The following NELL1 variants were observed in gnomAD, a reference collection of about 807,000 sequenced individuals.
The protein encoded by NELL1 is neural EGFL like 1, also known as protein kinase C-binding protein NELL1.
Under a neutral mutation model 107.4 loss-of-function variants are expected in NELL1, and 76 were observed. The ratio of observed to expected loss-of-function variants is 0.71; its 90% CI spans 0.59 to 0.86. The LOEUF is 0.86. Among genes scored for constraint, NELL1 ranks in the 40% least tolerant of loss-of-function variants. The probability of loss-of-function intolerance (pLI) is 0.00; values close to 1 mark genes in which losing one functional copy is unlikely to be tolerated. For synonymous variants in NELL1, 353 were observed against 341.2 expected, an observed-to-expected ratio of 1.03 and a Z score of -0.38; for missense variants, 1,024 against 1,005.5, an observed-to-expected ratio of 1.02 and a Z score of -0.25.
At chr11:21,099,598 GA>G (rs1407254978) in intron 12 of NELL1, among the ~76,000 whole-genome samples, 3 of 152,162 alleles carry the variant, frequency 2.0e-5, no homozygotes, top group African/African-American at 7.2e-5. Context: ...AGCAGCTTGA[GA>G]CATGTATTGA....
At chr11:21,441,862 A>C (rs970258012) in intron 15 of NELL1, among the ~76,000 whole-genome samples, 53 of 152,174 alleles carry the variant, frequency 3.5e-4, no homozygotes, top group Non-Finnish European at 1.5e-4. Flanking sequence ...ATAAGGTAAA[A>C]ATTTGATTAA....
At chr11:21,570,601 G>A in intron 17 of NELL1, among the ~76,000 whole-genome samples, 163 bp from the exon 18 acceptor site, 1 of 151,886 alleles carries the variant, frequency 6.6e-6, no homozygotes, top group South Asian at 2.1e-4. Flanking sequence ...CAAAATCAGG[G>A]AAAGAAAGGG....
At chr11:21,390,526 C>T (rs11825261) in intron 15 of NELL1, among the ~76,000 whole-genome samples, 18,251 of 151,276 alleles carry the variant, frequency 0.12, 1,280 homozygotes, top group African/African-American at 0.18. Flanking sequence ...CACACACACA[C>T]ACACACACAC....
chr11:21,450,951 G>A (rs1396416548), intron 15 of NELL1, among the ~76,000 whole-genome samples: 1 of 152,022 alleles, frequency 6.6e-6, no homozygotes, highest in Non-Finnish European at 1.5e-5. Context: ...AGCACTTTGG[G>A]AGGCCGAGGC....
chr11:21,227,317 G>A (rs1323323203), intron 13 of NELL1, among the ~76,000 whole-genome samples: 1 of 152,006 alleles, frequency 6.6e-6, no homozygotes, highest in East Asian at 1.9e-4. Flanking sequence ...GTAATTATTA[G>A]TAGAGCACCC....
chr11:21,033,063 C>G (rs1181913032), intron 12 of NELL1, among the ~76,000 whole-genome samples: 3 of 152,080 alleles, frequency 2.0e-5, no homozygotes, highest in African/African-American at 7.2e-5. Flanking sequence ...TTTTGGCTCT[C>G]TTGGTGTGAA....
intron 5 of NELL1, among the ~76,000 whole-genome samples, chr11:20,913,974 CTATT>C (rs1163784248): frequency 1.3e-5 from 2 of 151,990 alleles, no homozygotes; most frequent in African/African-American, 2.4e-5. Flanking sequence ...TGGTATCTAT[CTATT>C]AAGGCAATCA....
intron 14 of NELL1, among the ~76,000 whole-genome samples, chr11:21,240,250 C>T (rs1858318230): frequency 6.6e-6 from 1 of 152,032 alleles, no homozygotes; most frequent in African/African-American, 2.4e-5. Context: ...GTACTGTTAA[C>T]ATGATTATTA....
At chr11:21,497,924 T>C (rs1338475140) in intron 15 of NELL1, among the ~76,000 whole-genome samples, 1 of 152,032 alleles carries the variant, frequency 6.6e-6, no homozygotes, top group African/African-American at 2.4e-5. Context: ...CCTGTGTCTT[T>C]TTTCCTAAAT....
intron 4 of NELL1, among the ~76,000 whole-genome samples, chr11:20,869,436 G>A (rs946758255): frequency 2.6e-5 from 4 of 152,156 alleles, no homozygotes; most frequent in Non-Finnish European, 1.5e-5. Flanking sequence ...AGTATTCAAA[G>A]TGCTGATGGA....
intron 2 of NELL1, among the ~76,000 whole-genome samples, chr11:20,727,702 T>C (rs1352428610): frequency 6.6e-6 from 1 of 152,160 alleles, no homozygotes; most frequent in African/African-American, 2.4e-5. Flanking sequence ...ATTGCCTAGG[T>C]TTTCTTCTAG....
At chr11:20,812,833 C>T (rs369907585) in intron 3 of NELL1, among the ~76,000 whole-genome samples, 1 of 150,370 alleles carries the variant, frequency 6.7e-6, no homozygotes, top group South Asian at 2.1e-4. Flanking sequence ...ACGGTGAAAC[C>T]CCGTCTGTAC....
intron 4 of NELL1, among the ~76,000 whole-genome samples, chr11:20,855,088 G>A (rs180962777): frequency 1.4e-4 from 21 of 152,114 alleles, no homozygotes; most frequent in Admixed American, 1.2e-3. Flanking sequence ...TATCAACCTC[G>A]CTAGGTGGAT....
chr11:21,361,179 C>T lies in NELL1; in HGVS notation c.1550-9674C>T, dbSNP rs913352690. Among the ~76,000 whole-genome samples, 6 of 151,128 alleles carry T rather than the reference C, an allele frequency of 4.0e-5. No individual in the cohort carries two copies. In the South Asian group the frequency reaches 6.3e-4, roughly 16 times the overall value. ...GCTTGGTAGTGGTGAATTCTCTCAGCGTTTGTTTGTGTTAAAAATGTTTTA... is the reference window on the plus strand; with the variant it reads ...GCTTGGTAGTGGTGAATTCTCTCAGTGTTTGTTTGTGTTAAAAATGTTTTA... On this transcript the variant is annotated intron_variant, in intron 14 of 19. Coordinates refer to ENST00000357134, the MANE Select transcript of NELL1 (RefSeq NM_006157.5).
At chr11:21,436,282 T>C (rs1231435422) in intron 15 of NELL1, among the ~76,000 whole-genome samples, 1 of 152,198 alleles carries the variant, frequency 6.6e-6, no homozygotes, top group Non-Finnish European at 1.5e-5. Context: ...CTCAAAATCT[T>C]GACCTCGTGG....
intron 4 of NELL1, among the ~76,000 whole-genome samples, chr11:20,867,345 G>T (rs1054845832): frequency 6.6e-6 from 1 of 152,146 alleles, no homozygotes; most frequent in Non-Finnish European, 1.5e-5. Flanking sequence ...CTGAAGTAAT[G>T]CATGGAAAGC....
chr11:21,533,888 G>A (rs184603941), intron 15 of NELL1, among the ~76,000 whole-genome samples: 23 of 152,200 alleles, frequency 1.5e-4, no homozygotes, highest in South Asian at 8.3e-4. Context: ...TCAAAGCTTT[G>A]CAGGACATAT....
chr11:21,117,572 A>C (rs1855267439), intron 13 of NELL1, among the ~76,000 whole-genome samples: 1 of 152,074 alleles, frequency 6.6e-6, no homozygotes, highest in Non-Finnish European at 1.5e-5. Context: ...AGTATTTATC[A>C]TAGCACTTTT....
chr11:20,741,770 G>A (rs374281475), intron 2 of NELL1, among the ~76,000 whole-genome samples: 3 of 152,312 alleles, frequency 2.0e-5, no homozygotes, highest in Admixed American at 6.5e-5. Flanking sequence ...TTCTGGGACC[G>A]TGTTTCCACA....
Sources: allele counts gnomAD v4.1 joint callset (sites outside exome capture counted in the v4.1 genomes callset), GRCh38; gene constraint gnomAD v4.1.1; transcripts MANE v1.5; gene names NCBI Gene and HGNC (gene_info 2026-07-23, HGNC 2026-07-21).